The following SUGCT variants were observed in gnomAD, a reference collection of about 807,000 sequenced individuals.
SUGCT encodes the protein succinyl-CoA:glutarate CoA-transferase.
In SUGCT, 41 loss-of-function variants were observed where a neutral mutation model predicts 55.0. The observed-to-expected ratio is 0.74, with a 90% CI of 0.58 to 0.97. SUGCT has a LOEUF of 0.97. SUGCT is among the 50% of genes least tolerant of loss of function. The probability of loss-of-function intolerance (pLI) is 0.00; values close to 1 mark genes in which losing one functional copy is unlikely to be tolerated. For synonymous variants in SUGCT, 187 were observed against 200.4 expected (o/e 0.93, Z 0.56); for missense variants, 568 against 547.8 (o/e 1.04, Z -0.37).
chr7:40,353,980 A>AG lies in SUGCT; in HGVS notation c.816+37126dup, dbSNP rs1583492340. Among the ~76,000 whole-genome samples, 3 of 152,352 alleles carry AG rather than the reference A, an allele frequency of 2.0e-5. No homozygotes were observed. The East Asian group carries it at 5.8e-4, about 29-fold the overall frequency. On this transcript the variant is annotated intron_variant, in intron 9 of 13. Transcript: ENST00000335693. ...GAAAAAGTGCAACATTGAGAAAAACAGACAAGAGACCGGGAAGTAGCCTTT... is the reference window on the plus strand; with the variant it reads ...GAAAAAGTGCAACATTGAGAAAAACAGGACAAGAGACCGGGAAGTAGCCTTT...
intron 13 of SUGCT, among the ~76,000 whole-genome samples, chr7:40,848,278 A>G (rs1793678024): frequency 6.6e-6 from 1 of 152,090 alleles, no homozygotes; most frequent in Non-Finnish European, 1.5e-5. Context: ...GGCACTAACT[A>G]AAGTCTCACA....
chr7:40,964,111 TATCA>T, the SUGCT span, among the ~76,000 whole-genome samples: 2 of 152,240 alleles, frequency 1.3e-5, no homozygotes. Context: ...CAAAATGTCC[TATCA>T]ATCCTTGCTC....
chr7:40,478,744 G>A (rs542721196), intron 11 of SUGCT, among the ~76,000 whole-genome samples: 1 of 152,184 alleles, frequency 6.6e-6, no homozygotes, highest in Non-Finnish European at 1.5e-5. Flanking sequence ...GTTAACTGCA[G>A]TCACGTTGTT....
intron 12 of SUGCT, among the ~76,000 whole-genome samples, chr7:40,537,729 C>T (rs1292821412): frequency 1.3e-5 from 2 of 152,082 alleles, no homozygotes; most frequent in African/African-American, 4.8e-5. Context: ...AAACACTTTT[C>T]CTAGTTTTGT....
At chr7:40,165,390 G>C (rs1784369319) in intron 1 of SUGCT, among the ~76,000 whole-genome samples, 1 of 152,006 alleles carries the variant, frequency 6.6e-6, no homozygotes, top group Non-Finnish European at 1.5e-5. Context: ...AAACCCCAGG[G>C]CCAAGTACCA....
At chr7:40,361,561 G>T (rs551496122) in intron 9 of SUGCT, among the ~76,000 whole-genome samples, 2 of 150,742 alleles carry the variant, frequency 1.3e-5, no homozygotes, top group Admixed American at 1.3e-4. Flanking sequence ...GCGACACAGC[G>T]AGACTCCATC....
chr7:40,391,503 C>T (rs147910933), intron 9 of SUGCT, among the ~76,000 whole-genome samples: 2,887 of 152,284 alleles, frequency 0.019, 121 homozygotes, highest in Admixed American at 0.1. Flanking sequence ...CAAAAGAAGA[C>T]ATTTATGCAG....
chr7:40,757,455 A>G (rs551719226), intron 13 of SUGCT, among the ~76,000 whole-genome samples: 4 of 152,316 alleles, frequency 2.6e-5, no homozygotes, highest in Non-Finnish European at 4.4e-5. Flanking sequence ...ATCCTCATCA[A>G]CGTAGACCCT....
chr7:40,547,177 A>G (rs1007175839), intron 12 of SUGCT, among the ~76,000 whole-genome samples: 1 of 152,146 alleles, frequency 6.6e-6, no homozygotes, highest in Non-Finnish European at 1.5e-5. Flanking sequence ...TGAGGATCAG[A>G]GAAGACCAAT....
chr7:40,381,296 T>G (rs1784855153), intron 9 of SUGCT, among the ~76,000 whole-genome samples: 1 of 152,052 alleles, frequency 6.6e-6, no homozygotes, highest in South Asian at 2.1e-4. Context: ...CAATAATAAA[T>G]TTTTAATAAT....
intron 10 of SUGCT, among the ~76,000 whole-genome samples, chr7:40,451,939 A>G (rs952030045): frequency 1.8e-4 from 28 of 152,340 alleles, no homozygotes; most frequent in African/African-American, 6.7e-4. Flanking sequence ...GAGCCCCTCA[A>G]AACTGTTCTT....
the SUGCT span, among the ~76,000 whole-genome samples, chr7:40,891,362 T>C: frequency 6.6e-6 from 1 of 152,148 alleles, no homozygotes; most frequent in African/African-American, 2.4e-5. Context: ...CACATTATAA[T>C]TAAATTCCCA....
chr7:40,237,577 T>C, intron 6 of SUGCT, 58 bp from the exon 7 acceptor site: 1 of 1,258,024 alleles, frequency 7.9e-7, no homozygotes, highest in Non-Finnish European at 1.2e-6. Flanking sequence ...CACTATATTG[T>C]ACAGTGGTTT....
intron 12 of SUGCT, among the ~76,000 whole-genome samples, chr7:40,590,918 T>C (rs902287040): frequency 6.6e-6 from 1 of 152,178 alleles, no homozygotes; most frequent in Non-Finnish European, 1.5e-5. Context: ...AAAAAAAAAT[T>C]ATTTTAAAAT....
At chr7:40,700,109 A>G (rs1785112731) in intron 12 of SUGCT, among the ~76,000 whole-genome samples, 1 of 152,186 alleles carries the variant, frequency 6.6e-6, no homozygotes, top group Admixed American at 6.5e-5. Flanking sequence ...GGAAGATGAC[A>G]TTGATAAGTG....
In SUGCT at chr7:40,411,918, AAG is replaced by A. The variant is rs374583337; in HGVS notation, c.817-37368_817-37367del. 6.5e-4 allele frequency among the ~76,000 whole-genome samples: 96 copies of A among 147,846 alleles called. 2 individuals carry two copies. In the South Asian group the frequency reaches 0.021, roughly 33 times the overall value. On this transcript the variant is annotated intron_variant, in intron 9 of 13. Coordinates refer to ENST00000335693, the MANE Select transcript of SUGCT (RefSeq NM_001193313.2). ...TACATCTATTATGACTCAATAAAAA[AAG>A]TAAATTATTCAAAAAAGGAAAAGAA...
intron 9 of SUGCT, among the ~76,000 whole-genome samples, chr7:40,369,247 C>T (rs1279451993): frequency 1.3e-5 from 2 of 151,962 alleles, no homozygotes; most frequent in African/African-American, 4.8e-5. Flanking sequence ...TAGCAAAATT[C>T]TTGTTGTAAT....
At chr7:40,272,193 TAC>T (rs567563859) in intron 7 of SUGCT, among the ~76,000 whole-genome samples, 1 of 76,276 alleles carries the variant, frequency 1.3e-5, no homozygotes, top group Non-Finnish European at 2.5e-5. Flanking sequence ...TATATATATA[TAC>T]AGGGTCTCAG....
chr7:40,817,376 A>C (rs1331858682), intron 13 of SUGCT, among the ~76,000 whole-genome samples: 1 of 152,134 alleles, frequency 6.6e-6, no homozygotes, highest in African/African-American at 2.4e-5. Context: ...GAGTCGGGGG[A>C]AAAAACCCTG....
Sources: allele counts gnomAD v4.1 joint callset (sites outside exome capture counted in the v4.1 genomes callset), GRCh38; gene constraint gnomAD v4.1.1; transcripts MANE v1.5; gene names NCBI Gene and HGNC (gene_info 2026-07-23, HGNC 2026-07-21).